Variants in NCOA2 observed in about 807,000 individuals in gnomAD.
The protein encoded by NCOA2 is class E basic helix-loop-helix protein 75.
In NCOA2, 21 loss-of-function variants were observed where a neutral mutation model predicts 145.1. That is an observed-to-expected ratio of 0.14 (90% CI 0.10 to 0.21). The LOEUF (loss-of-function observed/expected upper bound fraction) is 0.21. Among genes scored for constraint, NCOA2 ranks in the 10% least tolerant of loss-of-function variants. The pLI is 1.00. For missense variants in NCOA2, 1,472 were observed against 1,837.6 expected, an observed-to-expected ratio of 0.80 and a Z score of 3.64; for synonymous variants, 619 against 637.5, an observed-to-expected ratio of 0.97 and a Z score of 0.44.
intron 2 of NCOA2, among the ~76,000 whole-genome samples, chr8:70,229,578 C>T (rs1338754001): frequency 1.3e-5 from 2 of 152,102 alleles, no homozygotes; most frequent in African/African-American, 2.4e-5. Flanking sequence ...GCTGGGATGA[C>T]CATGGGATCC....
At chr8:70,443,014 A>G in the NCOA2 span, among the ~76,000 whole-genome samples, 2 of 152,216 alleles carry the variant, frequency 1.3e-5, no homozygotes, top group Non-Finnish European at 2.9e-5. Context: ...TTTTTCTAAC[A>G]AAAACATAGT....
chr8:70,145,901 G>C (rs1212901810), intron 12 of NCOA2, among the ~76,000 whole-genome samples: 1 of 152,196 alleles, frequency 6.6e-6, no homozygotes, highest in Non-Finnish European at 1.5e-5. Context: ...AAAGTGCTGG[G>C]ATTACAGGCA....
At chr8:70,200,599 T>C (rs181984566) in intron 4 of NCOA2, among the ~76,000 whole-genome samples, 184 of 152,278 alleles carry the variant, frequency 1.2e-3, no homozygotes, top group Non-Finnish European at 2.2e-3. Context: ...GTGACACAAT[T>C]GAAGGAACAA....
the NCOA2 span, among the ~76,000 whole-genome samples, chr8:70,412,918 C>T: frequency 2.2e-4 from 33 of 151,760 alleles, no homozygotes; most frequent in East Asian, 4.9e-3. Flanking sequence ...GCCAACATGG[C>T]GAAACCCTGT....
intron 4 of NCOA2, among the ~76,000 whole-genome samples, chr8:70,192,020 C>A (rs186545950): frequency 6.6e-6 from 1 of 151,714 alleles, no homozygotes; most frequent in South Asian, 2.1e-4. Context: ...CCAGCCTGGG[C>A]GAGAGAGTGA....
rs1812214460 is a variant in NCOA2, at chr8:70,381,772, C to T, written c.-77+21928G>A. 1.3e-5 allele frequency among the ~76,000 whole-genome samples: 2 copies of T among 152,128 alleles called. 1 individual carries two copies. Among genetic ancestry groups the T allele is most frequent in the South Asian group, 4.1e-4 (2 of 4,834 alleles). ...ATTTTACTTGACATTTCCCAAGAACCTCTGAAGCTCTCATGTAAAATCTGA... is the reference window on the plus strand; with the variant it reads ...ATTTTACTTGACATTTCCCAAGAACTTCTGAAGCTCTCATGTAAAATCTGA... On this transcript the variant is annotated intron_variant, in intron 1 of 22. Coordinates refer to ENST00000452400, the MANE Select transcript of NCOA2 (RefSeq NM_006540.4).
intron 4 of NCOA2, among the ~76,000 whole-genome samples, chr8:70,211,608 C>T (rs528206433): frequency 2.5e-4 from 38 of 152,232 alleles, no homozygotes; most frequent in South Asian, 6.2e-4. Context: ...GCACTAAACT[C>T]TATATGAGGC....
chr8:70,147,227 G>A (rs1289809437), intron 12 of NCOA2, among the ~76,000 whole-genome samples: 6 of 151,506 alleles, frequency 4.0e-5, no homozygotes, highest in Admixed American at 2.6e-4. Flanking sequence ...CCGCCTCCCG[G>A]GTTCAACCAA....
intron 2 of NCOA2, among the ~76,000 whole-genome samples, chr8:70,264,440 A>G (rs1252281638): frequency 2.0e-5 from 3 of 151,946 alleles, no homozygotes; most frequent in Non-Finnish European, 4.4e-5. Context: ...GGCTGCAGAG[A>G]GGTGTGATAG....
upstream of NCOA2, among the ~76,000 whole-genome samples, chr8:70,408,791 T>C (rs1440162102): frequency 6.7e-6 from 1 of 148,180 alleles, no homozygotes; most frequent in Non-Finnish European, 1.5e-5. Flanking sequence ...TTTTTTTTTT[T>C]GGATTTTTTT....
At chr8:70,146,623 AGAG>A (rs910325210) in intron 12 of NCOA2, among the ~76,000 whole-genome samples, 2 of 152,186 alleles carry the variant, frequency 1.3e-5, no homozygotes, top group African/African-American at 4.8e-5. Context: ...AGCTACAGAA[AGAG>A]GAGAAACCAT....
chr8:70,325,894 G>A (rs969529622), intron 1 of NCOA2, among the ~76,000 whole-genome samples: 1 of 152,042 alleles, frequency 6.6e-6, no homozygotes, highest in Non-Finnish European at 1.5e-5. Flanking sequence ...CCTCACAAAT[G>A]AAGGCCATTA....
intron 1 of NCOA2, among the ~76,000 whole-genome samples, chr8:70,394,387 T>G (rs940854529): frequency 1.3e-5 from 2 of 152,218 alleles, no homozygotes; most frequent in Non-Finnish European, 2.9e-5. Flanking sequence ...ACTCCTGACC[T>G]CAGGTGATCC....
chr8:70,313,354 A>T (rs150507040), intron 1 of NCOA2, among the ~76,000 whole-genome samples: 3 of 152,266 alleles, frequency 2.0e-5, no homozygotes, highest in Middle Eastern at 3.4e-3. Context: ...ACTTCTAACT[A>T]ATAATGTTTA....
At chr8:70,337,303 G>T (rs934486169) in intron 1 of NCOA2, among the ~76,000 whole-genome samples, 7 of 151,928 alleles carry the variant, frequency 4.6e-5, no homozygotes, top group Admixed American at 1.3e-4. Context: ...CTGCCAACAT[G>T]TCCCTCCCAA....
intron 4 of NCOA2, among the ~76,000 whole-genome samples, chr8:70,180,368 C>T (rs1254101834): frequency 6.6e-6 from 1 of 152,182 alleles, no homozygotes; most frequent in Admixed American, 6.5e-5. Context: ...TCACAATCTC[C>T]TTCTCCATTT....
At chr8:70,412,444 T>C in the NCOA2 span, among the ~76,000 whole-genome samples, 1 of 148,704 alleles carries the variant, frequency 6.7e-6, no homozygotes, top group East Asian at 1.9e-4. Context: ...TCAATTTAAG[T>C]ATTGACATTT....
chr8:70,335,156 T>TC (rs1807477316), intron 1 of NCOA2, among the ~76,000 whole-genome samples: 1 of 105,060 alleles, frequency 9.5e-6, no homozygotes, highest in Non-Finnish European at 1.9e-5. Flanking sequence ...AAAAAAAAGA[T>TC]CTCTCCCTAT....
intron 1 of NCOA2, among the ~76,000 whole-genome samples, chr8:70,388,845 T>C (rs1812913140): frequency 6.6e-6 from 1 of 152,196 alleles, no homozygotes; most frequent in Non-Finnish European, 1.5e-5. Flanking sequence ...AATTCTTTAG[T>C]GTAGGGTCTA....
Sources: allele counts gnomAD v4.1 joint callset (sites outside exome capture counted in the v4.1 genomes callset), GRCh38; gene constraint gnomAD v4.1.1; transcripts MANE v1.5; gene names NCBI Gene and HGNC (gene_info 2026-07-23, HGNC 2026-07-21).